Variants in CNTN4 observed in about 807,000 individuals in gnomAD.
CNTN4 encodes the protein contactin 4.
A neutral mutation model predicts 122.5 loss-of-function variants in CNTN4; 77 were observed. The observed-to-expected ratio is 0.63, with a 90% CI of 0.52 to 0.76. The LOEUF (loss-of-function observed/expected upper bound fraction) is 0.76, where lower values mean the gene tolerates loss of function less well. Ranked by LOEUF, CNTN4 falls within the 30% of genes least tolerant of loss-of-function variation. The probability of loss-of-function intolerance (pLI) is 0.00; values close to 1 mark genes in which losing one functional copy is unlikely to be tolerated. For synonymous variants in CNTN4, 512 were observed against 447.0 expected (o/e 1.15, Z -1.83); for missense variants, 1,256 against 1,259.1 (o/e 1.00, Z 0.04).
chr3:2,798,245 T>G (rs1406414677), intron 6 of CNTN4, among the ~76,000 whole-genome samples: 2 of 151,558 alleles, frequency 1.3e-5, no homozygotes, highest in East Asian at 2.0e-4. Flanking sequence ...AAGACAAGAT[T>G]TTATTCTTTT....
chr3:2,874,669 C>A (rs563134878), intron 8 of CNTN4, among the ~76,000 whole-genome samples: 1 of 152,092 alleles, frequency 6.6e-6, no homozygotes, highest in Non-Finnish European at 1.5e-5. Context: ...GTAAGAACTA[C>A]CTTGGAGCAG....
At chr3:2,297,432 T>C (rs754611357) in intron 2 of CNTN4, among the ~76,000 whole-genome samples, 1 of 152,204 alleles carries the variant, frequency 6.6e-6, no homozygotes, top group Non-Finnish European at 1.5e-5. Flanking sequence ...TAAGAGGTTA[T>C]GTTGTTGCTT....
intron 7 of CNTN4, among the ~76,000 whole-genome samples, chr3:2,852,126 C>T (rs1250614135): frequency 6.6e-6 from 1 of 152,090 alleles, no homozygotes; most frequent in Admixed American, 6.6e-5. Context: ...ATAATTTTTG[C>T]TACTTCTATT....
At chr3:2,389,313 G>C (rs7374154) in intron 3 of CNTN4, among the ~76,000 whole-genome samples, 8 of 24,264 alleles carry the variant, frequency 3.3e-4, no homozygotes, top group Non-Finnish European at 4.8e-4. Context: ...TCCCCGTGAT[G>C]TATCTTCACA....
At chr3:2,813,372 T>C (rs989037984) in intron 6 of CNTN4, among the ~76,000 whole-genome samples, 2 of 152,188 alleles carry the variant, frequency 1.3e-5, no homozygotes, top group Non-Finnish European at 2.9e-5. Flanking sequence ...CTGGGAGAAT[T>C]AATAGAATCC....
chr3:2,395,854 G>C (rs34953825), intron 3 of CNTN4, among the ~76,000 whole-genome samples: 28,740 of 151,968 alleles, frequency 0.19, 3,424 homozygotes, highest in Middle Eastern at 0.28. Context: ...GTGAAGTATT[G>C]TTCAATAAAA....
At chr3:2,527,616 C>T (rs1357517730) in intron 3 of CNTN4, among the ~76,000 whole-genome samples, 2 of 152,134 alleles carry the variant, frequency 1.3e-5, no homozygotes, top group Non-Finnish European at 2.9e-5. Flanking sequence ...CGTAAAGCAC[C>T]TTCTTTACAT....
chr3:3,045,829 CG>C (rs1407985681), intron 23 of CNTN4, among the ~76,000 whole-genome samples: 5 of 152,100 alleles, frequency 3.3e-5, no homozygotes, highest in African/African-American at 1.2e-4. Context: ...CAAACTTCTC[CG>C]AGCTAAAGGA....
chr3:2,351,780 C>T (rs1231015385), intron 3 of CNTN4, among the ~76,000 whole-genome samples: 2 of 143,584 alleles, frequency 1.4e-5, no homozygotes, highest in Non-Finnish European at 3.0e-5. Context: ...ACTGAACTCA[C>T]AGAAGTAGTA....
chr3:2,738,493 G>T (rs2089273243), intron 5 of CNTN4, among the ~76,000 whole-genome samples: 1 of 152,114 alleles, frequency 6.6e-6, no homozygotes, highest in Non-Finnish European at 1.5e-5. Context: ...TACTTGAGGT[G>T]GAAGAGAAAT....
chr3:2,308,270 A>G (rs1575333929), intron 2 of CNTN4, among the ~76,000 whole-genome samples: 1 of 151,946 alleles, frequency 6.6e-6, no homozygotes, highest in South Asian at 2.1e-4. Flanking sequence ...TTTATTCTCA[A>G]TTTTAGGATT....
chr3:2,521,173 A>G (rs926816446), intron 3 of CNTN4, among the ~76,000 whole-genome samples: 6 of 152,056 alleles, frequency 3.9e-5, no homozygotes, highest in African/African-American at 1.4e-4. Flanking sequence ...GATGAACAAA[A>G]GTTTTTCAGA....
At chr3:2,810,475 G>A (rs968559487) in intron 6 of CNTN4, among the ~76,000 whole-genome samples, 3 of 152,084 alleles carry the variant, frequency 2.0e-5, no homozygotes, top group Non-Finnish European at 4.4e-5. Context: ...AGAAAGAGGA[G>A]AATAACCTCC....
chr3:2,180,575 A>C (rs912592141), intron 2 of CNTN4, among the ~76,000 whole-genome samples: 2 of 152,000 alleles, frequency 1.3e-5, no homozygotes, highest in African/African-American at 4.8e-5. Context: ...GATTAGTTTG[A>C]TTTTTAGGGT....
chr3:2,217,813 G>A (rs574043977), intron 2 of CNTN4, among the ~76,000 whole-genome samples: 8 of 152,284 alleles, frequency 5.3e-5, no homozygotes, highest in African/African-American at 1.9e-4. Context: ...TTAACTTTTT[G>A]CACCAGTTGA....
At chr3:2,308,958 T>C (rs1012327061) in intron 2 of CNTN4, among the ~76,000 whole-genome samples, 1 of 152,152 alleles carries the variant, frequency 6.6e-6, no homozygotes, top group Non-Finnish European at 1.5e-5. Context: ...TGGAGTGTTC[T>C]ATACCTGTTT....
intron 3 of CNTN4, among the ~76,000 whole-genome samples, chr3:2,397,623 T>A (rs796663459): frequency 6.6e-6 from 1 of 152,032 alleles, no homozygotes. Context: ...CATTGCAGTA[T>A]AAAGAAGGAA....
chr3:2,756,306 A>C (rs1180646450), intron 6 of CNTN4, among the ~76,000 whole-genome samples: 1 of 152,162 alleles, frequency 6.6e-6, no homozygotes, highest in East Asian at 1.9e-4. Flanking sequence ...GTCATGAGGG[A>C]TCTGCCCTTG....
At chr3:2,195,890 A>G (rs2037811229) in intron 2 of CNTN4, among the ~76,000 whole-genome samples, 1 of 152,246 alleles carries the variant, frequency 6.6e-6, no homozygotes, top group Non-Finnish European at 1.5e-5. Flanking sequence ...TTGGCAGGAA[A>G]TAAAAGAAGT....
Sources: gnomAD v4.1 joint callset for allele counts (sites outside exome capture counted in the v4.1 genomes callset) on GRCh38, gnomAD v4.1.1 for gene constraint, MANE v1.5 for transcripts, NCBI Gene and HGNC (gene_info 2026-07-23, HGNC 2026-07-21) for gene names.